DCC: variants seen among roughly 807,000 people sequenced by gnomAD.
DCC encodes netrin receptor DCC.
A neutral mutation model predicts 172.5 loss-of-function variants in DCC; 58 were observed. That is an observed-to-expected ratio of 0.34 (90% CI 0.27 to 0.42). DCC has a LOEUF of 0.42. Ranked by LOEUF, DCC falls within the 10% of genes least tolerant of loss-of-function variation. The pLI, the probability that DCC is intolerant of heterozygous loss-of-function variation, is 1.00. For synonymous variants in DCC, 709 were observed against 644.5 expected (o/e 1.10, Z -1.52); for missense variants, 1,740 against 1,791.0 (o/e 0.97, Z 0.51).
intron 2 of DCC, among the ~76,000 whole-genome samples, chr18:52,885,471 CCA>C (rs2039555706): frequency 6.6e-6 from 1 of 152,170 alleles, no homozygotes; most frequent in Admixed American, 6.5e-5. Context: ...TTCCAGGCCA[CCA>C]CTGATATTCA....
chr18:52,975,628 G>A (rs532338924), intron 5 of DCC, among the ~76,000 whole-genome samples: 20 of 152,172 alleles, frequency 1.3e-4, no homozygotes, highest in African/African-American at 4.3e-4. Context: ...TTCTGTTCCT[G>A]TGTTAGTTTG....
At chr18:53,255,872 CTGT>C (rs1198926016) in intron 12 of DCC, among the ~76,000 whole-genome samples, 1 of 152,116 alleles carries the variant, frequency 6.6e-6, no homozygotes, top group Non-Finnish European at 1.5e-5. Context: ...TCTCCAGCAC[CTGT>C]TGTTTCCTGA....
At chr18:53,291,961 C>G (rs2057009680) in intron 12 of DCC, among the ~76,000 whole-genome samples, 1 of 151,996 alleles carries the variant, frequency 6.6e-6, no homozygotes, top group South Asian at 2.1e-4. Context: ...TTTCTAGGAC[C>G]TAGAAGAAAC....
chr18:53,209,020 T>C (rs997496422), intron 11 of DCC, among the ~76,000 whole-genome samples: 7 of 152,156 alleles, frequency 4.6e-5, no homozygotes, highest in African/African-American at 2.4e-5. Context: ...CGTGAGCCAC[T>C]GCACCCAGCC....
intron 24 of DCC, among the ~76,000 whole-genome samples, chr18:53,461,011 T>C (rs1268737943): frequency 6.6e-6 from 1 of 152,252 alleles, no homozygotes; most frequent in Non-Finnish European, 1.5e-5. Context: ...TGGTTTTGAT[T>C]TGCATTTCTC....
intron 14 of DCC, among the ~76,000 whole-genome samples, chr18:53,327,120 G>A (rs2071271989): frequency 1.3e-5 from 2 of 152,188 alleles, no homozygotes; most frequent in Admixed American, 1.3e-4. Context: ...CTTAAGCATT[G>A]TGAAGATAAC....
intron 1 of DCC, among the ~76,000 whole-genome samples, chr18:52,710,259 A>T (rs1402702720): frequency 6.6e-6 from 1 of 152,226 alleles, no homozygotes; most frequent in Non-Finnish European, 1.5e-5. Context: ...GCAGCTATTA[A>T]ATTATCACCA....
chr18:53,463,047 A>T (rs1041966377), intron 24 of DCC, among the ~76,000 whole-genome samples: 2 of 152,256 alleles, frequency 1.3e-5, no homozygotes, highest in Admixed American at 6.5e-5. Flanking sequence ...GAGTGACAGA[A>T]AACAAATCCC....
rs778276067 is a variant in DCC, at chr18:52,340,747, C to T, written c.-41C>T. On this transcript the variant is annotated 5_prime_UTR_variant, in exon 1 of 29. Transcript: ENST00000442544. ...GTGAGTGCATGTGTGTGAGTGCTGC[C>T]GCTGCCCGCGACCCCTGGCCCCGAA... The T allele has an allele frequency of 2.7e-6, 4 of 1,494,644 alleles. No homozygotes were observed. Among genetic ancestry groups the T allele is most frequent in the African/African-American group, 2.8e-5 (2 of 72,432 alleles). The allele number at this position is 1,494,644 out of a possible 1,614,324, so 92.6% of individuals were successfully genotyped here. A position where few individuals can be genotyped will look rare whatever the true frequency, so the allele number is the denominator to read the frequency against.
At chr18:53,157,277 A>T in intron 7 of DCC, 79 bp from the exon 8 acceptor site, 2 of 1,562,600 alleles carry the variant, frequency 1.3e-6, no homozygotes, top group Non-Finnish European at 1.8e-6. Flanking sequence ...ATGCTTGCTA[A>T]TAGGTTGGCT....
At chr18:52,739,096 C>T (rs951679978) in intron 1 of DCC, among the ~76,000 whole-genome samples, 6 of 151,644 alleles carry the variant, frequency 4.0e-5, no homozygotes, top group African/African-American at 1.5e-4. Context: ...TAATATGTTG[C>T]GCTACTACAT....
intron 12 of DCC, among the ~76,000 whole-genome samples, chr18:53,288,256 T>C (rs887947543): frequency 2.0e-5 from 3 of 152,120 alleles, no homozygotes; most frequent in African/African-American, 7.2e-5. Context: ...TTCTAGAACA[T>C]GAATATTTAT....
intron 1 of DCC, among the ~76,000 whole-genome samples, chr18:52,471,434 A>G (rs1988942609): frequency 6.6e-6 from 1 of 152,232 alleles, no homozygotes; most frequent in Non-Finnish European, 1.5e-5. Context: ...ATCATTATGG[A>G]GGGTTATCAC....
intron 1 of DCC, among the ~76,000 whole-genome samples, chr18:52,512,438 G>A (rs191824980): frequency 6.2e-4 from 94 of 152,140 alleles, no homozygotes; most frequent in African/African-American, 2.1e-3. Context: ...TTAACTTCTC[G>A]CCCACTGAAG....
At chr18:52,481,088 G>A (rs2029940610) in intron 1 of DCC, among the ~76,000 whole-genome samples, 1 of 152,140 alleles carries the variant, frequency 6.6e-6, no homozygotes, top group African/African-American at 2.4e-5. Context: ...ATTTTTGTGT[G>A]TAAACTCAGG....
At chr18:52,666,203 C>T (rs986748704) in intron 1 of DCC, among the ~76,000 whole-genome samples, 10 of 151,888 alleles carry the variant, frequency 6.6e-5, no homozygotes, top group Non-Finnish European at 1.0e-4. Context: ...CTGAGACAGG[C>T]GAGTTGCTTG....
intron 5 of DCC, among the ~76,000 whole-genome samples, chr18:53,056,448 C>A (rs983915125): frequency 6.6e-6 from 1 of 152,108 alleles, no homozygotes; most frequent in African/African-American, 2.4e-5. Context: ...TGCCAGATGG[C>A]TTCCTTCGTA....
intron 1 of DCC, among the ~76,000 whole-genome samples, chr18:52,406,794 T>C (rs1301389621): frequency 1.3e-5 from 2 of 152,086 alleles, no homozygotes; most frequent in Non-Finnish European, 2.9e-5. Flanking sequence ...AGACTGTTAA[T>C]GATAGTTACC....
intron 5 of DCC, among the ~76,000 whole-genome samples, chr18:53,055,594 G>A (rs1380743650): frequency 6.6e-6 from 1 of 152,106 alleles, no homozygotes; most frequent in Non-Finnish European, 1.5e-5. Flanking sequence ...ACTCTCTTAA[G>A]GCTAGAAACC....
Sources: allele counts gnomAD v4.1 joint callset (sites outside exome capture counted in the v4.1 genomes callset), GRCh38; gene constraint gnomAD v4.1.1; transcripts MANE v1.5; gene names NCBI Gene and HGNC (gene_info 2026-07-23, HGNC 2026-07-21).